The following CNTN4 variants were observed in gnomAD, a reference collection of about 807,000 sequenced individuals.
The protein encoded by CNTN4 is contactin-4.
CNTN4 carries 77 observed loss-of-function variants against 122.5 expected under a neutral mutation model. The ratio of observed to expected loss-of-function variants is 0.63; its 90% CI spans 0.52 to 0.76. CNTN4 has a LOEUF of 0.76. Ranked by LOEUF, CNTN4 falls within the 30% of genes least tolerant of loss-of-function variation. The pLI, the probability that CNTN4 is intolerant of heterozygous loss-of-function variation, is 0.00. For missense variants in CNTN4, 1,256 were observed against 1,259.1 expected (o/e 1.00, Z 0.04); for synonymous variants, 512 against 447.0 (o/e 1.15, Z -1.83).
At chr3:2,334,461 T>A (rs1218652521) in intron 2 of CNTN4, among the ~76,000 whole-genome samples, 2 of 152,160 alleles carry the variant, frequency 1.3e-5, no homozygotes, top group African/African-American at 4.8e-5. Context: ...ACCTGGCCCA[T>A]TTTATCTTTT....
intron 4 of CNTN4, among the ~76,000 whole-genome samples, chr3:2,626,369 C>T (rs964234760): frequency 5.3e-5 from 8 of 152,044 alleles, no homozygotes; most frequent in Middle Eastern, 3.4e-3. Context: ...TGGTGGTGGG[C>T]ACCTGTAGTC....
chr3:2,681,074 C>G (rs1487640015), intron 4 of CNTN4, among the ~76,000 whole-genome samples: 1 of 152,138 alleles, frequency 6.6e-6, no homozygotes, highest in East Asian at 1.9e-4. Context: ...ATTATTTAGA[C>G]TCTAATGGGG....
intron 7 of CNTN4, among the ~76,000 whole-genome samples, chr3:2,847,395 A>G (rs571151476): frequency 6.6e-5 from 10 of 152,330 alleles, no homozygotes; most frequent in African/African-American, 2.4e-4. Context: ...AGGGTCAGGC[A>G]TCATCAAAGA....
chr3:2,850,370 T>C (rs755116669), intron 7 of CNTN4, among the ~76,000 whole-genome samples: 1 of 152,248 alleles, frequency 6.6e-6, no homozygotes, highest in Non-Finnish European at 1.5e-5. Flanking sequence ...ACTTCCAGTT[T>C]CTTTCCAAGG....
At chr3:2,174,320 T>G (rs2036651602) in intron 2 of CNTN4, among the ~76,000 whole-genome samples, 1 of 152,212 alleles carries the variant, frequency 6.6e-6, no homozygotes, top group Non-Finnish European at 1.5e-5. Flanking sequence ...CATACATGTC[T>G]TAGTTCATTC....
chr3:2,431,978 A>G (rs966590314), intron 3 of CNTN4, among the ~76,000 whole-genome samples: 4 of 152,242 alleles, frequency 2.6e-5, no homozygotes, highest in South Asian at 2.1e-4. Context: ...TATCTCATCT[A>G]TCTTATTGAA....
intron 2 of CNTN4, among the ~76,000 whole-genome samples, chr3:2,194,818 A>G (rs2037758199): frequency 6.6e-6 from 1 of 152,178 alleles, no homozygotes; most frequent in African/African-American, 2.4e-5. Context: ...GCTATGAAGA[A>G]GTTTTCGTGA....
intron 3 of CNTN4, among the ~76,000 whole-genome samples, chr3:2,509,820 G>A (rs1191996883): frequency 6.6e-6 from 1 of 152,000 alleles, no homozygotes; most frequent in East Asian, 1.9e-4. Flanking sequence ...CTCTACCTTT[G>A]GATAGTAGGG....
chr3:2,517,811 T>C (rs747152850), intron 3 of CNTN4, among the ~76,000 whole-genome samples: 7 of 152,078 alleles, frequency 4.6e-5, no homozygotes, highest in Non-Finnish European at 8.8e-5. Context: ...ACTCCAGGGG[T>C]GAAAACAACC....
chr3:2,757,435 T>G (rs79140289), intron 6 of CNTN4, among the ~76,000 whole-genome samples: 2 of 152,186 alleles, frequency 1.3e-5, no homozygotes, highest in Non-Finnish European at 2.9e-5. Flanking sequence ...GACCTCTTTG[T>G]CTGGCACTCT....
intron 6 of CNTN4, among the ~76,000 whole-genome samples, chr3:2,808,438 G>A (rs1461754353): frequency 1.3e-5 from 2 of 152,078 alleles, no homozygotes; most frequent in Non-Finnish European, 2.9e-5. Flanking sequence ...GAGAAAAAAA[G>A]GCTATAAAGT....
chr3:2,896,334 A>G (rs1163088568), intron 10 of CNTN4, among the ~76,000 whole-genome samples: 3 of 152,104 alleles, frequency 2.0e-5, no homozygotes, highest in African/African-American at 4.8e-5. Context: ...ATGAATGTAG[A>G]AGGGAGTGCC....
In CNTN4 at chr3:2,866,961, A is replaced by C; in HGVS notation, c.652+12A>C. 1 of 1,611,640 alleles carries C rather than the reference A, an allele frequency of 6.2e-7. No individual in the cohort carries two copies. Among genetic ancestry groups the C allele is most frequent in the South Asian group, 1.1e-5 (1 of 91,018 alleles). ...ATTGAGAAATGATGGTGAGTTTTCA[A>C]GTAATTTTGTTAATTTTGTTTCTGC... is the stretch of plus-strand genomic sequence containing the variant. On this transcript the variant is annotated intron_variant, in intron 8 of 24. Transcript: ENST00000418658.
In CNTN4 at chr3:2,363,088, AC is replaced by A. The variant is rs551314057; in HGVS notation, c.-89+23857del. ...AATTATTGTAGGTATCTATATCTGA[AC>A]CAGTCAAAGCCTGGCTGATTCTCTT... On this transcript the variant is annotated intron_variant, in intron 3 of 24. Coordinates refer to ENST00000418658, the MANE Select transcript of CNTN4 (RefSeq NM_175607.3). Among the ~76,000 whole-genome samples the A allele has an allele frequency of 9.2e-5, 14 of 152,308 alleles. No homozygotes were observed. The South Asian group carries it at 2.9e-3, about 32-fold the overall frequency.
At chr3:2,676,530 T>G (rs1271660475) in intron 4 of CNTN4, among the ~76,000 whole-genome samples, 1 of 152,176 alleles carries the variant, frequency 6.6e-6, no homozygotes, top group Non-Finnish European at 1.5e-5. Context: ...CCAAGACTGA[T>G]TATTAATGAA....
chr3:2,383,379 T>A (rs189586638), intron 3 of CNTN4, among the ~76,000 whole-genome samples: 62 of 152,336 alleles, frequency 4.1e-4, no homozygotes, highest in Admixed American at 1.3e-3. Context: ...GGCTAAGTAG[T>A]GCTTTCTTCC....
intron 14 of CNTN4, among the ~76,000 whole-genome samples, chr3:2,992,390 G>A (rs1695133007): frequency 6.6e-6 from 1 of 152,190 alleles, no homozygotes; most frequent in South Asian, 2.1e-4. Context: ...AATACTCACA[G>A]AAAGCATAAT....
chr3:2,283,776 T>G (rs1242791655), intron 2 of CNTN4, among the ~76,000 whole-genome samples: 1 of 152,154 alleles, frequency 6.6e-6, no homozygotes, highest in Non-Finnish European at 1.5e-5. Context: ...TCAAACGGCT[T>G]ACAATCCTTG....
rs560467617 is a variant in CNTN4, at chr3:2,933,521, G to A, written c.1358+7742G>A. Among the ~76,000 whole-genome samples, 10 of 152,248 alleles carry A rather than the reference G, an allele frequency of 6.6e-5. No individual in the cohort carries two copies. In the South Asian group the frequency reaches 8.3e-4, roughly 13 times the overall value. On this transcript the variant is annotated intron_variant, in intron 13 of 24. Coordinates refer to ENST00000418658, the MANE Select transcript of CNTN4 (RefSeq NM_175607.3). The stretch of plus-strand genomic sequence containing the variant: ...GGGAACAAAAGGAAAGCAGTGTTGC[G>A]TGACTCAGTTCCCAAGCTTAACTTT...
Sources: gnomAD v4.1 joint callset for allele counts (sites outside exome capture counted in the v4.1 genomes callset) on GRCh38, gnomAD v4.1.1 for gene constraint, MANE v1.5 for transcripts, NCBI Gene and HGNC (gene_info 2026-07-23, HGNC 2026-07-21) for gene names.